PDE10A: variants seen among roughly 807,000 people sequenced by gnomAD.
The protein encoded by PDE10A is phosphodiesterase 10A.
A neutral mutation model predicts 97.7 loss-of-function variants in PDE10A; 39 were observed. The ratio of observed to expected loss-of-function variants is 0.40; its 90% CI spans 0.31 to 0.52. PDE10A has a LOEUF of 0.52. Among genes scored for constraint, PDE10A ranks in the 20% least tolerant of loss-of-function variants. The pLI is 0.56. For missense variants in PDE10A, 731 were observed against 1,047.8 expected (o/e 0.70, Z 4.17); for synonymous variants, 371 against 376.8 (o/e 0.98, Z 0.18).
intron 10 of PDE10A, among the ~76,000 whole-genome samples, chr6:165,422,109 A>G (rs34003270): frequency 0.25 from 37,765 of 152,030 alleles, 5,202 homozygotes; most frequent in Admixed American, 0.32. Context: ...ATTTCTAAAC[A>G]TATGTTCACC....
Position 165,661,688 on chromosome 6 carries a change from C to CGCCGCCCTCCCGA in PDE10A, c.865+246_865+258dup, listed in dbSNP as rs1790272670. The CGCCGCCCTCCCGA allele has an allele frequency of 2.3e-6, 1 of 433,982 alleles. No homozygotes were observed. Among genetic ancestry groups the CGCCGCCCTCCCGA allele is most frequent in the Non-Finnish European group, 4.0e-6 (1 of 247,962 alleles). 26.9% of individuals were successfully genotyped at this position (433,982 alleles called of 1,614,324 possible). On this transcript the variant is annotated intron_variant, in intron 1 of 21. Transcript: ENST00000539869. This position sits in a 1 kb window ranked among gnomAD's most constrained non-coding sequence, Gnocchi z 4.8. ...GTCCCGCTCGCAACGTCCAAGCTCC[C>CGCCGCCCTCCCGA]GCCGCCCTCCCGAGCCGCCCTTCCC...
intron 1 of PDE10A, among the ~76,000 whole-genome samples, chr6:165,712,668 C>T (rs1315961866): frequency 1.6e-5 from 2 of 122,622 alleles, no homozygotes; most frequent in Non-Finnish European, 3.2e-5. Flanking sequence ...GAGGTGGAGT[C>T]TCGCTCTGTC....
At chr6:165,356,725 T>C (rs1484886372) in intron 18 of PDE10A, among the ~76,000 whole-genome samples, 2 of 152,226 alleles carry the variant, frequency 1.3e-5, no homozygotes, top group African/African-American at 4.8e-5. Flanking sequence ...CAGTTGTTCA[T>C]ATACAAAAAA....
intron 1 of PDE10A, among the ~76,000 whole-genome samples, chr6:165,727,602 C>A (rs1792332533): frequency 6.6e-6 from 1 of 152,194 alleles, no homozygotes; most frequent in Non-Finnish European, 1.5e-5. Flanking sequence ...AAGGCTGAAG[C>A]CACCAGTGCT....
chr6:165,458,372 T>C (rs1778086508), intron 3 of PDE10A, among the ~76,000 whole-genome samples: 1 of 152,018 alleles, frequency 6.6e-6, no homozygotes, highest in Admixed American at 6.6e-5. Flanking sequence ...CCCTCATGAA[T>C]GGGATTAGGG....
intron 1 of PDE10A, among the ~76,000 whole-genome samples, chr6:165,893,057 T>A (rs139902019): frequency 3.3e-5 from 5 of 152,224 alleles, no homozygotes; most frequent in Non-Finnish European, 5.9e-5. Flanking sequence ...AATAGACAGA[T>A]GCATGAAAGG....
chr6:165,610,531 A>C (rs1583640429), intron 1 of PDE10A, among the ~76,000 whole-genome samples: 1 of 134,686 alleles, frequency 7.4e-6, no homozygotes, highest in Admixed American at 7.5e-5. Flanking sequence ...ACTCCGTCTC[A>C]AAAAAAAAAA....
chr6:165,479,442 C>T (rs759207469), intron 3 of PDE10A, among the ~76,000 whole-genome samples: 7 of 152,194 alleles, frequency 4.6e-5, no homozygotes, highest in Non-Finnish European at 8.8e-5. Context: ...CCTCCTTCTG[C>T]TGATTCTCTC....
chr6:165,877,809 C>T (rs1278096778), intron 1 of PDE10A, among the ~76,000 whole-genome samples: 1 of 152,150 alleles, frequency 6.6e-6, no homozygotes, highest in African/African-American at 2.4e-5. Flanking sequence ...GAGCTAAACG[C>T]TTTATATCTT....
chr6:165,657,105 C>G (rs558602801), intron 1 of PDE10A, among the ~76,000 whole-genome samples: 25 of 152,352 alleles, frequency 1.6e-4, no homozygotes, highest in Admixed American at 8.5e-4. Context: ...CCACTGTTAA[C>G]AGTCTCAGGG....
At chr6:165,725,742 G>A (rs749627383) in intron 1 of PDE10A, among the ~76,000 whole-genome samples, 7 of 152,088 alleles carry the variant, frequency 4.6e-5, no homozygotes, top group Admixed American at 3.9e-4. Flanking sequence ...TGGAAGTCAC[G>A]TTTGCCTCCC....
intron 1 of PDE10A, among the ~76,000 whole-genome samples, chr6:165,829,605 C>T (rs1442598485): frequency 1.3e-5 from 2 of 152,190 alleles, no homozygotes; most frequent in Non-Finnish European, 2.9e-5. Flanking sequence ...GCACCCAGCA[C>T]CTCTGTGTAA....
chr6:165,843,226 G>C (rs1388589455), intron 1 of PDE10A, among the ~76,000 whole-genome samples: 2 of 152,196 alleles, frequency 1.3e-5, no homozygotes, highest in African/African-American at 4.8e-5. Flanking sequence ...AACAGAATCT[G>C]GGGTGTGAAG....
intron 1 of PDE10A, among the ~76,000 whole-genome samples, chr6:165,595,700 A>G (rs997795155): frequency 1.3e-5 from 2 of 152,212 alleles, no homozygotes; most frequent in African/African-American, 4.8e-5. Flanking sequence ...ACATTTCTGA[A>G]GGCTGGAAGT....
chr6:165,654,178 T>C (rs116975080), intron 1 of PDE10A, among the ~76,000 whole-genome samples: 32 of 152,330 alleles, frequency 2.1e-4, no homozygotes, highest in South Asian at 8.3e-4. Flanking sequence ...ATCCCCCCTG[T>C]ACACCGGTAC....
intron 8 of PDE10A, among the ~76,000 whole-genome samples, chr6:165,430,860 A>C (rs796672165): frequency 1.1e-4 from 17 of 152,314 alleles, no homozygotes; most frequent in African/African-American, 3.4e-4. Flanking sequence ...ACAGAAGTAG[A>C]AAAATAAAAC....
At chr6:165,484,179 T>C (rs1448989009) in intron 2 of PDE10A, among the ~76,000 whole-genome samples, 8 of 152,216 alleles carry the variant, frequency 5.3e-5, no homozygotes, top group Admixed American at 5.2e-4. Flanking sequence ...CTATTTCTTA[T>C]AGTTGGAATT....
intron 1 of PDE10A, among the ~76,000 whole-genome samples, chr6:165,979,413 G>A (rs1784944292): frequency 6.6e-6 from 1 of 152,174 alleles, no homozygotes; most frequent in Non-Finnish European, 1.5e-5. Context: ...TTACAAATAT[G>A]TGCTGCTGTG....
chr6:165,610,709 A>G (rs1787454300), intron 1 of PDE10A, among the ~76,000 whole-genome samples: 1 of 152,190 alleles, frequency 6.6e-6, no homozygotes, highest in African/African-American at 2.4e-5. Context: ...CCTCATGGAC[A>G]TCTCTCGTCT....
Sources: allele counts gnomAD v4.1 joint callset (sites outside exome capture counted in the v4.1 genomes callset), GRCh38; gene constraint gnomAD v4.1.1; non-coding constraint Gnocchi (gnomAD v3.1); transcripts MANE v1.5; gene names NCBI Gene and HGNC (gene_info 2026-07-23, HGNC 2026-07-21).